SMAD1: variants seen among roughly 807,000 people sequenced by gnomAD.
The protein encoded by SMAD1 is MAD, mothers against decapentaplegic homolog 1.
Under a neutral mutation model 41.6 loss-of-function variants are expected in SMAD1, and 6 were observed. The observed-to-expected ratio is 0.14, with a 90% CI of 0.08 to 0.28. The LOEUF (loss-of-function observed/expected upper bound fraction) is 0.28, where lower values mean the gene tolerates loss of function less well. Ranked by LOEUF, SMAD1 falls within the 10% of genes least tolerant of loss-of-function variation. The pLI is 1.00. For missense variants in SMAD1, 379 were observed against 582.6 expected (o/e 0.65, Z 3.60); for synonymous variants, 206 against 203.2 (o/e 1.01, Z -0.12).
At chr4:145,503,006 AC>A (rs1254074966) in intron 1 of SMAD1, 2 of 152,244 alleles carry the variant, frequency 1.3e-5, no homozygotes, top group Admixed American at 6.5e-5. Flanking sequence ...AGGCAATAGT[AC>A]CTGCATTATT....
intron 1 of SMAD1, among the ~76,000 whole-genome samples, chr4:145,502,465 C>T (rs932638878): frequency 6.6e-6 from 1 of 152,166 alleles, no homozygotes; most frequent in African/African-American, 2.4e-5. Flanking sequence ...AAGTAATCAT[C>T]TAATCAGACA....
intron 1 of SMAD1, among the ~76,000 whole-genome samples, chr4:145,494,409 A>G (rs186520388): frequency 2.0e-5 from 3 of 152,362 alleles, no homozygotes; most frequent in Non-Finnish European, 2.9e-5. Context: ...TTAAGGAACA[A>G]TACAAACCTG....
chr4:145,527,990 C>T (rs1731117513), intron 2 of SMAD1, among the ~76,000 whole-genome samples: 4 of 151,864 alleles, frequency 2.6e-5, no homozygotes, highest in African/African-American at 9.7e-5. Flanking sequence ...AAGTTATTCT[C>T]CTGCCTCAGC....
At chr4:145,534,795 C>A (rs1422797659) in intron 2 of SMAD1, among the ~76,000 whole-genome samples, 19 of 152,186 alleles carry the variant, frequency 1.2e-4, no homozygotes, top group Non-Finnish European at 2.9e-5. Context: ...AATTATGAAA[C>A]TTTATATGCA....
intron 1 of SMAD1, chr4:145,483,231 A>G (rs1285881827): frequency 6.6e-6 from 1 of 151,828 alleles, no homozygotes; most frequent in Non-Finnish European, 1.5e-5. Flanking sequence ...TTTTCTTTCC[A>G]TTGTATCTGA....
Position 145,539,927 on chromosome 4 carries a change from C to G in SMAD1, c.524C>G (p.Ser175Cys). The change falls in exon 3 of 7, where the codon TCT becomes TGT. Residue 175 changes from serine to cysteine, a missense_variant. Physicochemically the swap from Ser to Cys is moderately radical, Grantham distance 112. This residue lies in a region of SMAD1 where 208 missense variants were observed against 210.5 expected (regional missense o/e 0.99). Coordinates refer to ENST00000302085, the MANE Select transcript of SMAD1 (RefSeq NM_005900.3). The stretch of plus-strand genomic sequence containing the variant: ...CCACTCAACGCCACTTTTCCAGATT[C>G]TTTCCAGCAACCCAACAGCCACCCG... The part of the protein sequence containing the change: ...HMPLNATFPD[S>C]FQQPNSHPFP... The G allele has an allele frequency of 6.2e-7, 1 of 1,614,074 alleles. No homozygotes were observed.
chr4:145,494,016 C>T (rs1003962198), intron 1 of SMAD1, among the ~76,000 whole-genome samples: 11 of 152,176 alleles, frequency 7.2e-5, no homozygotes, highest in African/African-American at 2.7e-4. Flanking sequence ...GGCTGGAGTG[C>T]AGTGGCGTGA....
At position 145,553,770 on chromosome 4, in the gene SMAD1, T is replaced by A. The variant is rs773514613; in HGVS notation, c.998-14T>A. ...ATTAATAATAACTAAATGGTATGCT[T>A]TGTCTTCCTATAGGAGTTCATCTTT... On this transcript the variant is annotated splice_polypyrimidine_tract_variant and intron_variant, in intron 5 of 6. Transcript: ENST00000302085. 1 of 1,610,006 alleles carries A rather than the reference T, an allele frequency of 6.2e-7. No individual in the cohort carries two copies. The highest frequency in any genetic ancestry group is 8.5e-7 in the Non-Finnish European group (1 of 1,176,464).
rs1730253405 is a variant in SMAD1 at position 145,514,263 on chromosome 4, T to C, written c.-176-175T>C. On this transcript the variant is annotated intron_variant, in intron 1 of 6. Coordinates refer to ENST00000302085, the MANE Select transcript of SMAD1 (RefSeq NM_005900.3). The surrounding 1 kb of genome is among the most constrained non-coding windows in gnomAD (Gnocchi z 4.7). The stretch of plus-strand genomic sequence containing the variant: ...CTTTCTTAGAGGCTCCATCTCCAAA[T>C]ATAGTCATACTGAGAGTTAGGGCTT... Among the ~76,000 whole-genome samples the C allele has an allele frequency of 6.6e-6, 1 of 152,210 alleles. No individual in the cohort carries two copies. The highest frequency in any genetic ancestry group is 2.1e-4 in the South Asian group (1 of 4,830).
chr4:145,539,951 C>G lies in SMAD1; in HGVS notation c.548C>G (p.Pro183Arg). ...TCTTTCCAGCAACCCAACAGCCACC[C>G]GTTTCCTCACTCTCCCAATAGCAGT... is the stretch of plus-strand genomic sequence containing the variant. The part of the protein sequence containing the change: ...PDSFQQPNSH[P>R]FPHSPNSSYP... The change falls in exon 3 of 7, where the codon CCG becomes CGG. Residue 183 changes from proline (P) to arginine (R), a missense_variant. By Grantham distance (103) the Pro-to-Arg change is moderately radical (BLOSUM62 -2). Transcript: ENST00000302085. 3 of 1,614,026 alleles carry G rather than the reference C, an allele frequency of 1.9e-6. No individual in the cohort carries two copies. Among genetic ancestry groups the G allele is most frequent in the Non-Finnish European group, 2.5e-6 (3 of 1,179,990 alleles).
chr4:145,517,010 T>C (rs1345921364), intron 2 of SMAD1: 1 of 152,268 alleles, frequency 6.6e-6, no homozygotes, highest in East Asian at 1.9e-4. Flanking sequence ...CACCCTGCGC[T>C]AACCTTCCAG....
At position 145,546,795 on chromosome 4, in the gene SMAD1, T is replaced by G; in HGVS notation, c.868T>G (p.Ser290Ala). ...TCGTGTGGGTGAAGCGTTCCATGCCTCCTCCACAAGTGTGTTGGTGGATGG... is the reference window on the plus strand; with the variant it reads ...TCGTGTGGGTGAAGCGTTCCATGCCGCCTCCACAAGTGTGTTGGTGGATGG... ...NNRVGEAFHA[S>A]STSVLVDGFT... Residue 290 changes from serine to alanine, a missense_variant, in exon 5 of 7, where the codon TCC becomes GCC. Transcript: ENST00000302085. 2 of 1,613,998 alleles carry G rather than the reference T, an allele frequency of 1.2e-6. No homozygotes were observed. The highest frequency in any genetic ancestry group is 1.7e-6 in the Non-Finnish European group (2 of 1,179,854).
intron 1 of SMAD1, among the ~76,000 whole-genome samples, chr4:145,499,746 A>G (rs1729318012): frequency 6.6e-6 from 1 of 152,184 alleles, no homozygotes; most frequent in African/African-American, 2.4e-5. Flanking sequence ...ACATCCAAAA[A>G]TACCTGGAAT....
intron 1 of SMAD1, among the ~76,000 whole-genome samples, chr4:145,489,083 T>G (rs1728641062): frequency 6.6e-6 from 1 of 152,238 alleles, no homozygotes; most frequent in African/African-American, 2.4e-5. Context: ...TCCACATCTG[T>G]GCTAATACAG....
At chr4:145,544,070 A>G (rs1161598906) in intron 4 of SMAD1, 1 of 152,178 alleles carries the variant, frequency 6.6e-6, no homozygotes, top group Non-Finnish European at 1.5e-5. Flanking sequence ...TAGGATGTAC[A>G]CCATAAGTGA....
At position 145,514,073 on chromosome 4, in the gene SMAD1, A is replaced by G. The variant is rs1227931830; in HGVS notation, c.-176-365A>G. Reference sequence around the variant, plus strand: ...AAGTCCAAGATCAAGGTTCTGGACAATACAGGCTCTGGTGAGGGCTCTCTT... The same window carrying G: ...AAGTCCAAGATCAAGGTTCTGGACAGTACAGGCTCTGGTGAGGGCTCTCTT... On this transcript the variant is annotated intron_variant, in intron 1 of 6. Coordinates refer to ENST00000302085, the MANE Select transcript of SMAD1 (RefSeq NM_005900.3). This position sits in a 1 kb window ranked among gnomAD's most constrained non-coding sequence, Gnocchi z 4.7. Among the ~76,000 whole-genome samples, 2 of 152,188 alleles carry G rather than the reference A, an allele frequency of 1.3e-5. No homozygotes were observed. Among genetic ancestry groups the G allele is most frequent in the African/African-American group, 4.8e-5 (2 of 41,454 alleles).
intron 2 of SMAD1, among the ~76,000 whole-genome samples, chr4:145,521,247 A>T (rs1730724982): frequency 6.6e-6 from 1 of 152,156 alleles, no homozygotes; most frequent in Non-Finnish European, 1.5e-5. Flanking sequence ...AAGCAATCTA[A>T]CTGTGGTATT....
In SMAD1 at chr4:145,557,939, C is replaced by G. The variant is rs111656716; in HGVS notation, c.*5C>G. 3.1e-6 allele frequency: 5 copies of G among 1,594,240 alleles called. No homozygotes were observed. Among genetic ancestry groups the G allele is most frequent in the African/African-American group, 1.3e-5 (1 of 74,666 alleles). ...CCTATTTCATCTGTATCTTAAATGG[C>G]CCCAGGCATCTGCCTCTGGAAAACT... On this transcript the variant is annotated 3_prime_UTR_variant, in exon 7 of 7. Transcript: ENST00000302085.
At chr4:145,513,452 A>G (rs1016945614) in intron 1 of SMAD1, 1 of 152,214 alleles carries the variant, frequency 6.6e-6, no homozygotes, top group East Asian at 1.9e-4. Context: ...AACAGTTTAA[A>G]TGAGGCAACT....
Sources: allele counts gnomAD v4.1 joint callset (sites outside exome capture counted in the v4.1 genomes callset), GRCh38; gene constraint gnomAD v4.1.1; regional missense constraint gnomAD v4.1.1; non-coding constraint Gnocchi (gnomAD v3.1); transcripts MANE v1.5; gene names NCBI Gene and HGNC (gene_info 2026-07-23, HGNC 2026-07-21).